The following AGAP5 variants were observed in gnomAD, a reference collection of about 807,000 sequenced individuals.
The protein encoded by AGAP5 is arf-GAP with GTPase, ANK repeat and PH domain-containing protein 5.
A neutral mutation model predicts 27.7 loss-of-function variants in AGAP5; 8 were observed. The observed-to-expected ratio is 0.29, with a 90% CI of 0.17 to 0.52. The LOEUF (loss-of-function observed/expected upper bound fraction) is 0.52. Ranked by LOEUF, AGAP5 falls within the 20% of genes least tolerant of loss-of-function variation. The pLI, the probability that AGAP5 is intolerant of heterozygous loss-of-function variation, is 0.97. For synonymous variants in AGAP5, 111 were observed against 338.0 expected (o/e 0.33, Z 7.37); for missense variants, 285 against 880.8 (o/e 0.32, Z 8.56).
chr10:73,676,291 C>CA lies in AGAP5; in HGVS notation c.586-218dup, dbSNP rs371426814. Among the ~76,000 whole-genome samples, 679 of 71,744 alleles carry CA rather than the reference C, an allele frequency of 9.5e-3. 17 individuals carry two copies. The highest frequency in any genetic ancestry group is 0.033 in the African/African-American group (654 of 20,092). The allele number at this position is 71,744 out of a possible 152,430, so 47.1% of individuals were successfully genotyped here. A position where few individuals can be genotyped will look rare whatever the true frequency, so the allele number is the denominator to read the frequency against. ...CCAACATGGTGAAACCCTGTCTTTA[C>CA]AAAAAAAAAAAAAAAAAGAAAAGAA... On this transcript the variant is annotated intron_variant, in intron 7 of 7. Transcript: ENST00000374094.
intron 4 of AGAP5, among the ~76,000 whole-genome samples, chr10:73,690,965 G>A (rs1162256457): frequency 2.0e-5 from 3 of 152,158 alleles, no homozygotes; most frequent in African/African-American, 7.2e-5. Flanking sequence ...GTGTGTTTTC[G>A]CAGATGGAAA....
chr10:73,697,855 T>C lies in AGAP5; in HGVS notation c.-100A>G, dbSNP rs1420041649. 11 of 1,560,384 alleles carry C rather than the reference T, an allele frequency of 7.0e-6. No individual in the cohort carries two copies. Among genetic ancestry groups the C allele is most frequent in the Admixed American group, 1.9e-5 (1 of 53,232 alleles). ...CGAGGCTATGCTGCACTTGCAGAGA[T>C]GGTCTTCCCGCTCCTCGCCTGCCCA... On this transcript the variant is annotated 5_prime_UTR_variant, in exon 1 of 8. Transcript: ENST00000374094.
intron 4 of AGAP5, among the ~76,000 whole-genome samples, chr10:73,685,685 T>A (rs1021882069): frequency 3.9e-5 from 6 of 151,952 alleles, no homozygotes; most frequent in Admixed American, 2.6e-4. Flanking sequence ...CCAGAGTAGA[T>A]GGGATTACAG....
chr10:73,686,336 GA>G (rs750330370), intron 4 of AGAP5, among the ~76,000 whole-genome samples: 56 of 152,288 alleles, frequency 3.7e-4, no homozygotes, highest in Non-Finnish European at 7.2e-4. Flanking sequence ...ATGGTGCTGG[GA>G]TAATTGGCAA....
rs1330255388 is a variant in AGAP5 at position 73,675,137 on chromosome 10, C to T, written c.1523G>A (p.Ser508Asn). The part of the protein sequence containing the change: ...MCIECSGIHR[S>N]LGTRLSRVRS... ...CACACGGGAAAGGCGGGTGCCAAGACTGCGGTGGATTCCTGAGCATTCAAT... is the reference window on the plus strand; with the variant it reads ...CACACGGGAAAGGCGGGTGCCAAGATTGCGGTGGATTCCTGAGCATTCAAT... Residue 508 changes from serine to asparagine, a missense_variant, in exon 8 of 8, where the codon AGT becomes AAT. By Grantham distance (46) the Ser-to-Asn change is conservative. Transcript: ENST00000374094. 3.6e-5 allele frequency: 58 copies of T among 1,610,224 alleles called. No individual in the cohort carries two copies. The Middle Eastern group carries it at 2.3e-3, about 63-fold the overall frequency.
At chr10:73,678,237 T>C (rs1411515248) in intron 6 of AGAP5, among the ~76,000 whole-genome samples, 5 of 152,114 alleles carry the variant, frequency 3.3e-5, no homozygotes, top group Non-Finnish European at 1.5e-5. Flanking sequence ...CTATCAAACA[T>C]ATAAGAAAAT....
intron 5 of AGAP5, chr10:73,681,990 A>G: frequency 1.0e-6 from 1 of 984,380 alleles, no homozygotes. Context: ...CAATTGAATT[A>G]GCTAAAAAGG....
chr10:73,690,917 A>G (rs1361138175), intron 4 of AGAP5, among the ~76,000 whole-genome samples: 1 of 152,232 alleles, frequency 6.6e-6, no homozygotes, highest in African/African-American at 2.4e-5. Context: ...CAAAAGGCCA[A>G]AGAAAGTTGC....
chr10:73,686,836 C>T (rs796954101), intron 4 of AGAP5, among the ~76,000 whole-genome samples: 1 of 152,162 alleles, frequency 6.6e-6, no homozygotes, highest in Non-Finnish European at 1.5e-5. Context: ...CCAGCAACCT[C>T]GATGGAAGTA....
At chr10:73,695,628 T>C (rs1466860024) in intron 2 of AGAP5, among the ~76,000 whole-genome samples, 1 of 152,194 alleles carries the variant, frequency 6.6e-6, no homozygotes, top group Non-Finnish European at 1.5e-5. Context: ...AATCCTTAAA[T>C]ATCTTGAAAT....
At position 73,697,701 on chromosome 10, in the gene AGAP5, G is replaced by T; in HGVS notation, c.55C>A (p.Gln19Lys). 1 of 1,598,408 alleles carries T rather than the reference G, an allele frequency of 6.3e-7. No homozygotes were observed. Among genetic ancestry groups the T allele is most frequent in the Non-Finnish European group, 8.5e-7 (1 of 1,179,790 alleles). Residue 19 changes from glutamine to lysine, a missense_variant, in exon 1 of 8, where the codon CAG (glutamine) becomes AAG (lysine). Transcript: ENST00000374094. ...GAGGGACACACCGACCCCTGTTGCTGGTCAAACTCGAGGCTGACGCTAGGG... is the reference window on the plus strand; with the variant it reads ...GAGGGACACACCGACCCCTGTTGCTTGTCAAACTCGAGGCTGACGCTAGGG... ...VHPSVSLEFD[Q>K]QQGSVCPSES... is the part of the protein sequence containing the mutation.
chr10:73,691,772 G>A (rs1432328159), intron 4 of AGAP5, among the ~76,000 whole-genome samples: 2 of 152,102 alleles, frequency 1.3e-5, no homozygotes, highest in Non-Finnish European at 2.9e-5. Context: ...GATTATAGAC[G>A]TTAGCCACCA....
At chr10:73,683,423 C>A (rs1554962180) in intron 4 of AGAP5, among the ~76,000 whole-genome samples, 1 of 121,998 alleles carries the variant, frequency 8.2e-6, no homozygotes. Context: ...CAATAAAAAG[C>A]AGCCAAGAAT....
At chr10:73,677,386 T>A (rs2081988894) in intron 6 of AGAP5, among the ~76,000 whole-genome samples, 1 of 101,458 alleles carries the variant, frequency 9.9e-6, no homozygotes, top group African/African-American at 4.0e-5. Flanking sequence ...CTTTTTTTTT[T>A]TTTTTTTTTT....
intron 3 of AGAP5, among the ~76,000 whole-genome samples, chr10:73,692,633 A>ATTT (rs71021562): frequency 2.2e-4 from 17 of 77,010 alleles, no homozygotes; most frequent in East Asian, 5.7e-4. Flanking sequence ...CCTATCTTAA[A>ATTT]TTTTTTTTTT....
intron 3 of AGAP5, among the ~76,000 whole-genome samples, chr10:73,692,993 C>T (rs2082131905): frequency 6.6e-6 from 1 of 151,954 alleles, no homozygotes; most frequent in Non-Finnish European, 1.5e-5. Context: ...GACATGGTGT[C>T]TGCAGCACAA....
At chr10:73,691,555 C>T (rs1386336154) in intron 4 of AGAP5, among the ~76,000 whole-genome samples, 2 of 149,630 alleles carry the variant, frequency 1.3e-5, no homozygotes, top group African/African-American at 5.0e-5. Context: ...TGCAATGGCG[C>T]GATCTTGGCT....
In AGAP5 at chr10:73,675,217, G is replaced by C. The variant is rs747701029; in HGVS notation, c.1443C>G (p.Asp481Glu). The C allele has an allele frequency of 1.2e-5, 15 of 1,270,610 alleles. 4 individuals carry two copies. The highest frequency in any genetic ancestry group is 3.5e-5 in the South Asian group (3 of 86,504). 78.7% of individuals were successfully genotyped at this position (1,270,610 alleles called of 1,614,324 possible). ...CCCACTTAGGATTCTGGGTCTCATA[G>C]TCCACACAGTGGGCGTTCCCACGCA... is the stretch of plus-strand genomic sequence containing the variant. Reference protein sequence around the residue: ...QNMRGNAHCVDYETQNPKWAS... With the variant: ...QNMRGNAHCVEYETQNPKWAS... The change falls in exon 8 of 8, where the codon GAC (aspartate) becomes GAG (glutamate). Residue 481 changes from aspartate (D) to glutamate (E), a missense_variant. Physicochemically the swap from Asp to Glu is conservative, Grantham distance 45. Coordinates refer to ENST00000374094, the MANE Select transcript of AGAP5 (RefSeq NM_001144000.4).
At chr10:73,694,476 G>GAA (rs1250657594) in intron 3 of AGAP5, among the ~76,000 whole-genome samples, 3 of 152,190 alleles carry the variant, frequency 2.0e-5, no homozygotes, top group Non-Finnish European at 2.9e-5. Context: ...ATTATAAAGA[G>GAA]AAATCCATGA....
Sources: gnomAD v4.1 joint callset for allele counts (sites outside exome capture counted in the v4.1 genomes callset) on GRCh38, gnomAD v4.1.1 for gene constraint, MANE v1.5 for transcripts, NCBI Gene and HGNC (gene_info 2026-07-23, HGNC 2026-07-21) for gene names.